Variants in DYNAP observed in about 807,000 individuals in gnomAD.
DYNAP encodes dynactin-associated protein.
A neutral mutation model predicts 8.5 loss-of-function variants in DYNAP; 7 were observed. That is an observed-to-expected ratio of 0.82 (90% CI 0.47 to 1.54). The LOEUF is 1.54. Ranked by LOEUF, DYNAP falls within the 40% of genes most tolerant of loss-of-function variation. The probability of loss-of-function intolerance (pLI) is 0.01; values close to 1 mark genes in which losing one functional copy is unlikely to be tolerated. For missense variants in DYNAP, 256 were observed against 224.3 expected (o/e 1.14, Z -0.90); for synonymous variants, 77 against 77.9 (o/e 0.99, Z 0.06).
At chr18:54,581,726 C>G in the DYNAP span, among the ~76,000 whole-genome samples, 2 of 151,980 alleles carry the variant, frequency 1.3e-5, no homozygotes, top group Non-Finnish European at 2.9e-5. Flanking sequence ...TATATAAATA[C>G]TGTCAGGTAT....
upstream of DYNAP, among the ~76,000 whole-genome samples, chr18:54,583,184 A>G (rs1361320318): frequency 1.3e-5 from 2 of 152,168 alleles, no homozygotes; most frequent in Non-Finnish European, 2.9e-5. Context: ...AAAATAAGGA[A>G]GACTATCTGT....
At chr18:54,595,996 A>G (rs1911272835) in intron 2 of DYNAP, among the ~76,000 whole-genome samples, 1 of 152,136 alleles carries the variant, frequency 6.6e-6, no homozygotes, top group Non-Finnish European at 1.5e-5. Context: ...AGGTAAAGTA[A>G]TCCATATCAA....
the DYNAP span, among the ~76,000 whole-genome samples, chr18:54,576,307 T>C: frequency 3.9e-5 from 6 of 152,204 alleles, no homozygotes; most frequent in African/African-American, 9.6e-5. Context: ...AGAGCCTTCA[T>C]AGAAACTGCC....
chr18:54,594,327 A>G (rs1868344534), intron 1 of DYNAP, among the ~76,000 whole-genome samples: 1 of 152,150 alleles, frequency 6.6e-6, no homozygotes, highest in Non-Finnish European at 1.5e-5. Context: ...CATTGGATAG[A>G]GCATGGTATG....
At chr18:54,587,613 T>C, upstream of DYNAP, 1 of 352,866 alleles carries the variant, frequency 2.8e-6, no homozygotes, top group Non-Finnish European at 5.0e-6. Flanking sequence ...TTGTTTATAT[T>C]AATTTTTACT....
chr18:54,597,730 A>G (rs1911357763), intron 2 of DYNAP, 83 bp from the exon 3 acceptor site: 3 of 1,389,644 alleles, frequency 2.2e-6, no homozygotes, highest in Non-Finnish European at 2.9e-6. Flanking sequence ...TGTTAACCCA[A>G]TAAGTTATAA....
intron 2 of DYNAP, 151 bp from the exon 3 acceptor site, chr18:54,597,662 C>CT (rs1911353517): frequency 1.2e-6 from 1 of 803,812 alleles, no homozygotes; most frequent in Non-Finnish European, 1.8e-6. Context: ...TTATTTCCAC[C>CT]TGCATGAAAA....
At chr18:54,580,935 G>T in the DYNAP span, among the ~76,000 whole-genome samples, 1 of 151,878 alleles carries the variant, frequency 6.6e-6, no homozygotes, top group South Asian at 2.1e-4. Flanking sequence ...AAAAAATCTA[G>T]GGACCACCCT....
At chr18:54,597,298 G>A (rs555106614) in intron 2 of DYNAP, among the ~76,000 whole-genome samples, 1 of 152,104 alleles carries the variant, frequency 6.6e-6, no homozygotes, top group Non-Finnish European at 1.5e-5. Flanking sequence ...AGACTGCTCT[G>A]CATGATACTG....
the DYNAP span, among the ~76,000 whole-genome samples, chr18:54,581,544 T>G: frequency 6.6e-6 from 1 of 152,232 alleles, no homozygotes; most frequent in Admixed American, 6.5e-5. Flanking sequence ...GTCCAATCAG[T>G]AAACCAACGA....
upstream of DYNAP, among the ~76,000 whole-genome samples, chr18:54,589,132 A>G (rs1487238981): frequency 6.6e-6 from 1 of 152,144 alleles, no homozygotes; most frequent in East Asian, 1.9e-4. Context: ...AGATGATTTT[A>G]AAAAATCAAC....
In DYNAP at chr18:54,598,309, T is replaced by C; in HGVS notation, c.*164T>C. ...CAACTTCAACAAAATCAAGTCCTAC[T>C]TCAACTTAAACTTACTTGACAACTC... On this transcript the variant is annotated 3_prime_UTR_variant, in exon 3 of 3. Coordinates refer to ENST00000648945, the MANE Select transcript of DYNAP (RefSeq NM_173629.3). 1.4e-6 allele frequency: 1 copy of C among 698,964 alleles called. No individual in the cohort carries two copies. Among genetic ancestry groups the C allele is most frequent in the Non-Finnish European group, 2.3e-6 (1 of 442,142 alleles). The allele number at this position is 698,964 out of a possible 1,614,324, so 43.3% of individuals were successfully genotyped here.
At chr18:54,580,940 C>A in the DYNAP span, among the ~76,000 whole-genome samples, 1 of 151,914 alleles carries the variant, frequency 6.6e-6, no homozygotes, top group Non-Finnish European at 1.5e-5. Context: ...ATCTAGGGAC[C>A]ACCCTCCAAG....
At chr18:54,592,339 T>C (rs904682968) in intron 1 of DYNAP, among the ~76,000 whole-genome samples, 2 of 152,150 alleles carry the variant, frequency 1.3e-5, no homozygotes, top group African/African-American at 2.4e-5. Flanking sequence ...TAATAACAAA[T>C]GTAAAGATGT....
At chr18:54,590,937 C>T (rs995755228), upstream of DYNAP, among the ~76,000 whole-genome samples, 16 of 152,026 alleles carry the variant, frequency 1.1e-4, no homozygotes, top group Admixed American at 9.8e-4. Context: ...TATCTCAGAA[C>T]GTTTTTCTGG....
At chr18:54,587,792 G>C, upstream of DYNAP, 2 of 400,380 alleles carry the variant, frequency 5.0e-6, no homozygotes, top group Non-Finnish European at 8.9e-6. Context: ...AGAGAGACAA[G>C]GAAAATTTTG....
At chr18:54,590,567 A>G (rs761388335), upstream of DYNAP, among the ~76,000 whole-genome samples, 1 of 152,204 alleles carries the variant, frequency 6.6e-6, no homozygotes, top group Admixed American at 6.5e-5. Flanking sequence ...TTTCTGCACT[A>G]CAAACATACC....
chr18:54,584,313 AT>A (rs1320693324), upstream of DYNAP, among the ~76,000 whole-genome samples: 1 of 149,122 alleles, frequency 6.7e-6, no homozygotes, highest in Non-Finnish European at 1.5e-5. Context: ...TATTTAATAA[AT>A]ATGCCTAAGA....
At position 54,591,280 on chromosome 18, in the gene DYNAP, A is replaced by G; in HGVS notation, c.-3A>G. 3.1e-6 allele frequency: 5 copies of G among 1,613,108 alleles called. No homozygotes were observed. The highest frequency in any genetic ancestry group is 2.7e-5 in the African/African-American group (2 of 74,996). On this transcript the variant is annotated 5_prime_UTR_variant, in exon 1 of 3. Coordinates refer to ENST00000648945, the MANE Select transcript of DYNAP (RefSeq NM_173629.3). ...AGAAGCTTGTGATACTGGCAGCTCA[A>G]GAATGGACAGAAAGCATGGAAAATA...
Sources: gnomAD v4.1 joint callset for allele counts (sites outside exome capture counted in the v4.1 genomes callset) on GRCh38, gnomAD v4.1.1 for gene constraint, MANE v1.5 for transcripts, NCBI Gene and HGNC (gene_info 2026-07-23, HGNC 2026-07-21) for gene names.